Variants in EGF observed in about 807,000 individuals in gnomAD.
EGF encodes the protein pro-epidermal growth factor.
In EGF, 95 loss-of-function variants were observed where a neutral mutation model predicts 143.8. The observed-to-expected ratio is 0.66, with a 90% CI of 0.56 to 0.78. EGF has a LOEUF of 0.78. EGF is among the 30% of genes least tolerant of loss of function. The pLI is 0.00. For synonymous variants in EGF, 510 were observed against 510.5 expected, an observed-to-expected ratio of 1.00 and a Z score of 0.01; for missense variants, 1,320 against 1,470.9, an observed-to-expected ratio of 0.90 and a Z score of 1.68.
At chr4:109,953,421 G>A (rs1744262740) in intron 5 of EGF, among the ~76,000 whole-genome samples, 2 of 152,164 alleles carry the variant, frequency 1.3e-5, no homozygotes, top group African/African-American at 2.4e-5. Context: ...ATACAAAGAG[G>A]AGCCTTTCCA....
chr4:109,992,986 C>T (rs11569070), intron 18 of EGF, among the ~76,000 whole-genome samples: 9,106 of 147,966 alleles, frequency 0.062, 989 homozygotes, highest in African/African-American at 0.21. Flanking sequence ...TTAGGAGATA[C>T]ACCTAAAATA....
rs1411220142 is a variant in EGF, at chr4:109,943,856, C to T, written c.524C>T (p.Ser175Phe). Residue 175 changes from serine to phenylalanine, a missense_variant, in exon 4 of 24, where the codon TCT becomes TTT. By Grantham distance (155) the Ser-to-Phe change is radical. Around this residue, in one of 5 missense-constraint regions of EGF, gnomAD observed 1,186 missense variants for 1,313.7 expected, o/e 0.90. Coordinates refer to ENST00000265171, the MANE Select transcript of EGF (RefSeq NM_001963.6). ...VDPVERFIFW[S>F]SEVAGSLYRA... Reference sequence around the variant, plus strand: ...TTTGCCCTCAGGTTTATATTTTGGTCTTCAGAGGTGGCTGGAAGCCTTTAT... The same window carrying T: ...TTTGCCCTCAGGTTTATATTTTGGTTTTCAGAGGTGGCTGGAAGCCTTTAT... 6 of 1,613,980 alleles carry T rather than the reference C, an allele frequency of 3.7e-6. No homozygotes were observed. Among genetic ancestry groups the T allele is most frequent in the Non-Finnish European group, 5.1e-6 (6 of 1,180,016 alleles).
rs2282783 is a variant in EGF at position 109,926,633 on chromosome 4, T to A, written c.127+13171T>A. ...CGGACTCCCAAAGTGCTGGGATTAC[T>A]GGCGTGAGCCACTGCACTCGGCCGT... On this transcript the variant is annotated intron_variant, in intron 1 of 23. Coordinates refer to ENST00000265171, the MANE Select transcript of EGF (RefSeq NM_001963.6). 0.013 allele frequency among the ~76,000 whole-genome samples: 1,989 copies of A among 152,242 alleles called. 209 individuals are homozygous for A. The East Asian group carries it at 0.23, about 18-fold the overall frequency.
chr4:109,919,121 A>C (rs960618901), intron 1 of EGF, among the ~76,000 whole-genome samples: 1 of 152,188 alleles, frequency 6.6e-6, no homozygotes, highest in Non-Finnish European at 1.5e-5. Context: ...TAGTGAGCTG[A>C]TGTGTTTTGC....
At position 110,012,150 on chromosome 4, in the gene EGF, A is replaced by G. The variant is rs1173186244; in HGVS notation, c.*695A>G. ...GAATTTTCCCTCTTGGTGTGATTGC[A>G]CAGAATTTGTATGTATTTTCAGTTA... On this transcript the variant is annotated 3_prime_UTR_variant, in exon 24 of 24. Transcript: ENST00000265171. The G allele has an allele frequency of 1.3e-5, 2 of 152,194 alleles. No homozygotes were observed. Among genetic ancestry groups the G allele is most frequent in the East Asian group, 3.8e-4 (2 of 5,200 alleles). 9.4% of individuals were successfully genotyped at this position (152,194 alleles called of 1,614,324 possible).
Position 110,011,278 on chromosome 4 carries a change from A to C in EGF, c.3447A>C (p.Pro1149=). 7 of 1,614,178 alleles carry C rather than the reference A, an allele frequency of 4.3e-6. No homozygotes were observed. The highest frequency in any genetic ancestry group is 5.9e-6 in the Non-Finnish European group (7 of 1,180,020). The part of the protein sequence containing the change: ...GMGTEQGCWI[P]VSSDKGSCPQ... ...GCACAGAGCAAGGCTGCTGGATTCC[A>C]GTATCCAGTGATAAGGGCTCCTGTC... Residue 1149 remains proline (P), a synonymous_variant, in exon 24 of 24, where the codon CCA becomes CCC. Coordinates refer to ENST00000265171, the MANE Select transcript of EGF (RefSeq NM_001963.6).
At chr4:110,001,563 T>C in intron 21 of EGF, 6 of 966,366 alleles carry the variant, frequency 6.2e-6, no homozygotes, top group Non-Finnish European at 7.4e-6. Flanking sequence ...CTTAAGTTCA[T>C]GCGTGCCATA....
At position 109,988,693 on chromosome 4, in the gene EGF, T is replaced by C; in HGVS notation, c.2718T>C (p.Asp906=). 9.3e-6 allele frequency: 15 copies of C among 1,613,848 alleles called. No homozygotes were observed. The highest frequency in any genetic ancestry group is 1.2e-5 in the Non-Finnish European group (14 of 1,179,858). The change falls in exon 18 of 24, where the codon GAT becomes GAC. Residue 906 remains aspartate (D), a synonymous_variant. Coordinates refer to ENST00000265171, the MANE Select transcript of EGF (RefSeq NM_001963.6). ...VCRCSEGYQG[D]GIHCLDIDEC... is the part of the protein sequence containing the mutation. Reference sequence around the variant, plus strand: ...GGTGCTCAGAAGGCTACCAAGGAGATGGGATTCACTGTCTTGGTAAGAGGA... The same window carrying C: ...GGTGCTCAGAAGGCTACCAAGGAGACGGGATTCACTGTCTTGGTAAGAGGA...
intron 2 of EGF, among the ~76,000 whole-genome samples, chr4:109,942,314 TCAAA>T (rs928636109): frequency 7.2e-5 from 11 of 152,226 alleles, no homozygotes; most frequent in African/African-American, 2.7e-4. Flanking sequence ...CTGTTAAAAT[TCAAA>T]CAATTTACCT....
intron 18 of EGF, 21 bp from the exon 19 acceptor site, chr4:109,993,226 G>T (rs376623338): frequency 1.9e-6 from 3 of 1,612,698 alleles, no homozygotes; most frequent in African/African-American, 1.3e-5. Context: ...TTTCTCTCCC[G>T]TACTCTGTCT....
At chr4:109,972,464 GA>G (rs1253737288) in intron 11 of EGF, among the ~76,000 whole-genome samples, 2 of 152,088 alleles carry the variant, frequency 1.3e-5, no homozygotes, top group Admixed American at 1.3e-4. Context: ...AGATCATCAT[GA>G]GATCAGAAGT....
At chr4:109,946,253 C>A (rs748547031) in intron 5 of EGF, among the ~76,000 whole-genome samples, 1 of 152,204 alleles carries the variant, frequency 6.6e-6, no homozygotes, top group Non-Finnish European at 1.5e-5. Context: ...TGAATCTGAT[C>A]CATTCACTCC....
chr4:109,940,917 T>C (rs1741819170), intron 1 of EGF, 29 bp from the exon 2 acceptor site: 6 of 1,598,440 alleles, frequency 3.8e-6, no homozygotes, highest in African/African-American at 1.3e-5. Context: ...ATTAAAAGTA[T>C]ACAGTTTGGT....
chr4:109,970,835 A>AAAAAAAAAAAAG (rs1747524498), intron 11 of EGF, among the ~76,000 whole-genome samples: 1 of 151,696 alleles, frequency 6.6e-6, no homozygotes, highest in South Asian at 2.1e-4. Context: ...AAAAAAAAAA[A>AAAAAAAAAAAAG]AAAAAAAAAA....
At chr4:109,949,664 C>T (rs1743504317) in intron 5 of EGF, among the ~76,000 whole-genome samples, 3 of 149,814 alleles carry the variant, frequency 2.0e-5, no homozygotes, top group South Asian at 4.2e-4. Context: ...AAAAAAAGGA[C>T]TCAGGCATAA....
intron 19 of EGF, 85 bp downstream of exon 19, chr4:109,993,454 T>G: frequency 6.3e-7 from 1 of 1,577,708 alleles, no homozygotes; most frequent in Non-Finnish European, 8.7e-7. Context: ...CATTAGAGAT[T>G]CTAAAAATCA....
rs746493431 is a variant in EGF, at chr4:109,980,867, A to G, written c.2263A>G (p.Ile755Val). 9 of 1,614,046 alleles carry G rather than the reference A, an allele frequency of 5.6e-6. No individual in the cohort carries two copies. The highest frequency in any genetic ancestry group is 1.7e-5 in the Admixed American group (1 of 59,994). The change falls in exon 15 of 24, where the codon ATT becomes GTT. Residue 755 changes from isoleucine (I) to valine (V), a missense_variant. Around this residue, in one of 5 missense-constraint regions of EGF, gnomAD observed 1,186 missense variants for 1,313.7 expected, o/e 0.90. Transcript: ENST00000265171. ...ATATCAAAACGGAGGCTGTGAACAT[A>G]TTTGCAAAAAGAGGCTTGGAACTGC... is the stretch of plus-strand genomic sequence containing the variant. Reference protein sequence around the residue: ...CLYQNGGCEHICKKRLGTAWC... With the variant: ...CLYQNGGCEHVCKKRLGTAWC...
At chr4:109,930,614 G>C (rs1355958220) in intron 1 of EGF, among the ~76,000 whole-genome samples, 1 of 152,152 alleles carries the variant, frequency 6.6e-6, no homozygotes, top group Non-Finnish European at 1.5e-5. Flanking sequence ...ATCTGGTTGT[G>C]GTTATCATTT....
At position 109,988,608 on chromosome 4, in the gene EGF, T is replaced by C. The variant is rs1199226708; in HGVS notation, c.2633T>C (p.Val878Ala). The C allele has an allele frequency of 4.3e-6, 7 of 1,613,964 alleles. No individual in the cohort carries two copies. Among genetic ancestry groups the C allele is most frequent in the Non-Finnish European group, 5.9e-6 (7 of 1,179,942 alleles). ...GATATAGATGAATGTGAGATGGGTG[T>C]CCCAGTGTGCCCCCCTGCCTCCTCC... ...CSDIDECEMG[V>A]PVCPPASSKC... Residue 878 changes from valine (V) to alanine (A), a missense_variant, in exon 18 of 24, where the codon GTC (valine) becomes GCC (alanine). This residue lies in a region of EGF where 1,186 missense variants were observed against 1,313.7 expected (regional missense o/e 0.90). Transcript: ENST00000265171.
Sources: gnomAD v4.1 joint callset for allele counts (sites outside exome capture counted in the v4.1 genomes callset) on GRCh38, gnomAD v4.1.1 for gene constraint, gnomAD v4.1.1 regional missense constraint, MANE v1.5 for transcripts, NCBI Gene and HGNC (gene_info 2026-07-23, HGNC 2026-07-21) for gene names.